The following MYO16 variants were observed in gnomAD, a reference collection of about 807,000 sequenced individuals.
The protein encoded by MYO16 is unconventional myosin-XVI.
MYO16 carries 94 observed loss-of-function variants against 205.3 expected under a neutral mutation model. That is an observed-to-expected ratio of 0.46 (90% CI 0.39 to 0.54). The LOEUF is 0.54. Ranked by LOEUF, MYO16 falls within the 20% of genes least tolerant of loss-of-function variation. The probability of loss-of-function intolerance (pLI) is 0.00; values close to 1 mark genes in which losing one functional copy is unlikely to be tolerated. For missense variants in MYO16, 2,315 were observed against 2,387.5 expected (o/e 0.97, Z 0.63); for synonymous variants, 988 against 954.0 (o/e 1.04, Z -0.66).
At position 109,140,534 on chromosome 13, in the gene MYO16, C is replaced by G. The variant is rs1219825863; in HGVS notation, c.4322C>G (p.Ala1441Gly). The change falls in exon 32 of 35, where the codon GCG becomes GGG. Residue 1441 changes from alanine (A) to glycine (G), a missense_variant. Physicochemically the swap from Ala to Gly is moderately conservative, Grantham distance 60 (BLOSUM62 0). Transcript: ENST00000457511. The surrounding 1 kb of genome is among the most constrained non-coding windows in gnomAD (Gnocchi z 8.0). Reference protein sequence around the residue: ...EPVYIEMLGHAARPDSPDPGE... With the variant: ...EPVYIEMLGHGARPDSPDPGE... ...GTGTACATCGAGATGCTGGGGCACG[C>G]GGCCAGGCCCGATAGCCCGGACCCC... The G allele has an allele frequency of 1.3e-6, 2 of 1,549,352 alleles. No individual in the cohort carries two copies. Among genetic ancestry groups the G allele is most frequent in the Admixed American group, 1.9e-5 (1 of 53,364 alleles).
chr13:108,975,365 T>A (rs1055679875), intron 20 of MYO16, among the ~76,000 whole-genome samples: 60 of 152,154 alleles, frequency 3.9e-4, no homozygotes, highest in African/African-American at 1.4e-3. Flanking sequence ...AGAGGTTTTT[T>A]ATAAAATAAA....
At chr13:108,918,303 CATAA>C (rs1369783047) in intron 16 of MYO16, among the ~76,000 whole-genome samples, 1 of 152,208 alleles carries the variant, frequency 6.6e-6, no homozygotes, top group Non-Finnish European at 1.5e-5. Context: ...ATAATAAACA[CATAA>C]ATAAACGTGT....
chr13:109,196,188 A>T (rs1880143606), intron 34 of MYO16, among the ~76,000 whole-genome samples: 1 of 152,214 alleles, frequency 6.6e-6, no homozygotes, highest in Non-Finnish European at 1.5e-5. Flanking sequence ...GATTCTTTAC[A>T]GTAAAGTACA....
At chr13:108,924,757 G>A (rs998091806) in intron 16 of MYO16, among the ~76,000 whole-genome samples, 5 of 152,274 alleles carry the variant, frequency 3.3e-5, no homozygotes, top group Admixed American at 6.5e-5. Context: ...GCATGGCATG[G>A]CGACTCACTC....
At chr13:108,870,331 A>G (rs116672276) in intron 12 of MYO16, among the ~76,000 whole-genome samples, 2,365 of 152,136 alleles carry the variant, frequency 0.016, 51 homozygotes, top group African/African-American at 0.054. Context: ...TGTTCATGAA[A>G]AAGATAAGCC....
intron 34 of MYO16, among the ~76,000 whole-genome samples, chr13:109,194,586 C>G (rs1566558163): frequency 2.0e-5 from 3 of 152,036 alleles, no homozygotes; most frequent in African/African-American, 7.2e-5. Flanking sequence ...TTAATTCGGA[C>G]GTACAAACCA....
chr13:108,750,822 T>A (rs970666378), intron 4 of MYO16, among the ~76,000 whole-genome samples: 2 of 151,504 alleles, frequency 1.3e-5, no homozygotes, highest in African/African-American at 4.9e-5. Context: ...ACAAAAAAAA[T>A]TCTGATACTG....
chr13:108,604,973 C>A (rs976431954), intron 1 of MYO16, among the ~76,000 whole-genome samples: 5 of 152,152 alleles, frequency 3.3e-5, no homozygotes, highest in African/African-American at 1.2e-4. Context: ...CAGGATGATC[C>A]ACTTTTGAAA....
intron 2 of MYO16, among the ~76,000 whole-genome samples, chr13:108,677,422 A>G (rs892649157): frequency 4.7e-5 from 7 of 149,552 alleles, no homozygotes; most frequent in Admixed American, 4.0e-4. Context: ...ATATTCAGGT[A>G]TATGTGTGTA....
chr13:109,023,539 T>G (rs530041772), intron 23 of MYO16, among the ~76,000 whole-genome samples: 7 of 122,304 alleles, frequency 5.7e-5, no homozygotes, highest in African/African-American at 1.9e-4. Context: ...ATATACAATA[T>G]ATAGGTATAT....
chr13:108,878,763 C>T (rs949910307), intron 12 of MYO16, among the ~76,000 whole-genome samples: 7 of 152,214 alleles, frequency 4.6e-5, no homozygotes, highest in African/African-American at 2.4e-5. Context: ...AGGTGCTGGC[C>T]CAGGCTCCTG....
intron 11 of MYO16, among the ~76,000 whole-genome samples, chr13:108,864,010 C>G (rs1011578114): frequency 6.6e-6 from 1 of 152,110 alleles, no homozygotes; most frequent in Non-Finnish European, 1.5e-5. Flanking sequence ...TCCATACAAT[C>G]TGTCTTGATG....
rs542090344 is a variant in MYO16, at chr13:109,072,060, A to G, written c.3335+16465A>G. Among the ~76,000 whole-genome samples the G allele has an allele frequency of 4.6e-5, 7 of 152,286 alleles. No individual in the cohort carries two copies. The South Asian group carries it at 1.2e-3, about 27-fold the overall frequency. ...TCTGATAACAAGAAATGTTATCACC[A>G]GTGTGCTGGGTGTTGAGAAAATACA... On this transcript the variant is annotated intron_variant, in intron 27 of 34. Coordinates refer to ENST00000457511, the MANE Select transcript of MYO16 (RefSeq NM_001198950.3).
At chr13:108,644,412 C>CTATT (rs1566524983) in intron 1 of MYO16, among the ~76,000 whole-genome samples, 7 of 134,768 alleles carry the variant, frequency 5.2e-5, no homozygotes, top group African/African-American at 2.0e-4. Flanking sequence ...ATCTATCTAT[C>CTATT]TATCATCTGT....
At position 109,162,388 on chromosome 13, in the gene MYO16, T is replaced by C. The variant is rs1461807283; in HGVS notation, c.5165-2513T>C. On this transcript the variant is annotated intron_variant, in intron 32 of 34. Transcript: ENST00000457511. This position sits in a 1 kb window ranked among gnomAD's most constrained non-coding sequence, Gnocchi z 4.6. ...AAACCTCTCAGTTCCTCTTTGGTGG[T>C]TTCCCAGGCCCTGACTCATTAGTAC... Among the ~76,000 whole-genome samples, 2 of 152,188 alleles carry C rather than the reference T, an allele frequency of 1.3e-5. No homozygotes were observed. The highest frequency in any genetic ancestry group is 3.9e-4 in the East Asian group (2 of 5,184).
chr13:108,761,068 C>A (rs778684499), intron 4 of MYO16, among the ~76,000 whole-genome samples: 1 of 152,166 alleles, frequency 6.6e-6, no homozygotes, highest in Non-Finnish European at 1.5e-5. Context: ...ATCACACACA[C>A]CTTTTTTTGC....
chr13:108,769,522 G>C (rs1032903975), intron 4 of MYO16, among the ~76,000 whole-genome samples: 10 of 152,222 alleles, frequency 6.6e-5, no homozygotes, highest in Admixed American at 2.0e-4. Flanking sequence ...GCAATGAAAA[G>C]TGTCTTTTAA....
intron 2 of MYO16, among the ~76,000 whole-genome samples, chr13:108,696,099 T>C (rs1883081319): frequency 6.6e-6 from 1 of 152,218 alleles, no homozygotes; most frequent in Non-Finnish European, 1.5e-5. Context: ...ATAGCATTGC[T>C]GTGAACGTGT....
At chr13:109,083,089 A>G (rs141622876) in intron 27 of MYO16, among the ~76,000 whole-genome samples, 87 of 152,258 alleles carry the variant, frequency 5.7e-4, no homozygotes, top group Non-Finnish European at 9.6e-4. Context: ...ATGAGAATCA[A>G]GAGGTTCTGC....
Sources: allele counts gnomAD v4.1 joint callset (sites outside exome capture counted in the v4.1 genomes callset), GRCh38; gene constraint gnomAD v4.1.1; non-coding constraint Gnocchi (gnomAD v3.1); transcripts MANE v1.5; gene names NCBI Gene and HGNC (gene_info 2026-07-23, HGNC 2026-07-21).